The following EXOC2 variants were observed in gnomAD, a reference collection of about 807,000 sequenced individuals.
The protein encoded by EXOC2 is exocyst complex component 2.
Under a neutral mutation model 131.8 loss-of-function variants are expected in EXOC2, and 70 were observed. The ratio of observed to expected loss-of-function variants is 0.53; its 90% confidence interval spans 0.44 to 0.65. EXOC2 has a LOEUF of 0.65. EXOC2 is among the 30% of genes least tolerant of loss of function. EXOC2 has a pLI of 0.00. For missense variants in EXOC2, 923 were observed against 1,108.6 expected, an observed-to-expected ratio of 0.83 and a Z score of 2.38; for synonymous variants, 411 against 398.4, an observed-to-expected ratio of 1.03 and a Z score of -0.38.
intron 22 of EXOC2, among the ~76,000 whole-genome samples, chr6:547,374 G>A (rs1258505743): frequency 4.6e-5 from 7 of 152,238 alleles, no homozygotes; most frequent in Non-Finnish European, 7.3e-5. Context: ...GCTCACACCA[G>A]AGGAGTCTGA....
chr6:515,510 A>C (rs1169175523), intron 23 of EXOC2, among the ~76,000 whole-genome samples: 1 of 152,250 alleles, frequency 6.6e-6, no homozygotes, highest in Non-Finnish European at 1.5e-5. Flanking sequence ...GAGCACAGAC[A>C]GCAGGTTCAG....
intron 5 of EXOC2, among the ~76,000 whole-genome samples, chr6:618,146 T>C (rs929136899): frequency 2.0e-5 from 3 of 152,154 alleles, no homozygotes; most frequent in Non-Finnish European, 4.4e-5. Context: ...ATATATACAA[T>C]TTACCAGATA....
intron 25 of EXOC2, among the ~76,000 whole-genome samples, chr6:494,549 A>C (rs1026368810): frequency 2.0e-5 from 3 of 152,136 alleles, no homozygotes; most frequent in Non-Finnish European, 4.4e-5. Flanking sequence ...GGAAACCCAG[A>C]TCACAATACA....
At chr6:655,882 A>C (rs1346007068) in intron 1 of EXOC2, 2 of 439,614 alleles carry the variant, frequency 4.5e-6, no homozygotes, top group Non-Finnish European at 8.1e-6. Context: ...CTTTGATAGA[A>C]TCTTAAGCAG....
chr6:492,679 G>A (rs1298496603), intron 25 of EXOC2, among the ~76,000 whole-genome samples: 2 of 152,132 alleles, frequency 1.3e-5, no homozygotes, highest in African/African-American at 4.8e-5. Context: ...CCATTTATAC[G>A]AAATTTTCAG....
intron 1 of EXOC2, among the ~76,000 whole-genome samples, chr6:668,431 T>G (rs545270919): frequency 6.6e-6 from 1 of 152,328 alleles, no homozygotes; most frequent in African/African-American, 2.4e-5. Flanking sequence ...TGCACAGCCC[T>G]GTGCTCACTG....
intron 23 of EXOC2, among the ~76,000 whole-genome samples, chr6:505,009 G>A (rs770315721): frequency 4.6e-5 from 7 of 152,134 alleles, no homozygotes; most frequent in African/African-American, 1.7e-4. Flanking sequence ...GAAATGCAAG[G>A]TATTAAGTTT....
Position 597,192 on chromosome 6 carries a change from T to G in EXOC2, c.1073+829A>C, listed in dbSNP as rs546549597. Among the ~76,000 whole-genome samples, 19 of 152,218 alleles carry G rather than the reference T, an allele frequency of 1.2e-4. No homozygotes were observed. In the South Asian group the frequency reaches 3.9e-3, roughly 32 times the overall value. ...TAATATCACTGCAAATTTTTTTTTTTAAGACAGAGTCTCACTCTGTTGCCC... is the reference window on the plus strand; with the variant it reads ...TAATATCACTGCAAATTTTTTTTTTGAAGACAGAGTCTCACTCTGTTGCCC... On this transcript the variant is annotated intron_variant, in intron 10 of 27. Coordinates refer to ENST00000230449, the MANE Select transcript of EXOC2 (RefSeq NM_018303.6).
intron 25 of EXOC2, among the ~76,000 whole-genome samples, chr6:492,837 G>A (rs1243776610): frequency 2.0e-5 from 3 of 152,112 alleles, no homozygotes; most frequent in Non-Finnish European, 4.4e-5. Flanking sequence ...TGACTGGACA[G>A]CTCTTTGAAT....
chr6:491,237 A>G (rs1763415344), intron 25 of EXOC2, 51 bp from the exon 26 acceptor site: 2 of 1,590,162 alleles, frequency 1.3e-6, no homozygotes, highest in Non-Finnish European at 1.7e-6. Context: ...ATATTATCAA[A>G]TATAAACAAG....
intron 1 of EXOC2, among the ~76,000 whole-genome samples, chr6:674,615 C>T (rs1049950120): frequency 3.9e-5 from 6 of 151,966 alleles, no homozygotes; most frequent in Non-Finnish European, 8.8e-5. Flanking sequence ...TGCCTCTTCT[C>T]CTTGGCAATA....
At chr6:597,975 C>A (rs139087752) in intron 10 of EXOC2, 46 bp downstream of exon 10, 1 of 1,425,060 alleles carries the variant, frequency 7.0e-7, no homozygotes, top group African/African-American at 1.4e-5. Flanking sequence ...GCATACAGTA[C>A]CAAACAGATA....
At chr6:584,711 C>T (rs567759192) in intron 11 of EXOC2, among the ~76,000 whole-genome samples, 13 of 152,306 alleles carry the variant, frequency 8.5e-5, no homozygotes, top group East Asian at 3.9e-4. Flanking sequence ...CGGCTATTCT[C>T]GAGAACTTAC....
At chr6:656,742 A>G (rs375917812) in intron 1 of EXOC2, 4 of 1,590,584 alleles carry the variant, frequency 2.5e-6, no homozygotes, top group Non-Finnish European at 3.4e-6. Context: ...GACACCTTCC[A>G]TGCGAAACTG....
At chr6:667,976 A>G (rs908564075) in intron 1 of EXOC2, among the ~76,000 whole-genome samples, 1 of 151,868 alleles carries the variant, frequency 6.6e-6, no homozygotes, top group Non-Finnish European at 1.5e-5. Flanking sequence ...TTTTTCTTTC[A>G]GCACTTTATT....
intron 1 of EXOC2, among the ~76,000 whole-genome samples, chr6:683,499 C>T (rs945236368): frequency 6.6e-6 from 1 of 152,190 alleles, no homozygotes; most frequent in Non-Finnish European, 1.5e-5. Context: ...ACCAATATCA[C>T]CGCTGACAAA....
At chr6:492,256 A>G (rs1373043750) in intron 25 of EXOC2, among the ~76,000 whole-genome samples, 1 of 152,228 alleles carries the variant, frequency 6.6e-6, no homozygotes, top group Non-Finnish European at 1.5e-5. Context: ...TCAATAAGAG[A>G]CAATAACAAA....
rs1757889217 is a variant in EXOC2, at chr6:564,862, A to C, written c.1509+2T>G. Reference sequence around the variant, plus strand: ...GTCTACATACTTATCACCCTTACTCACCTTAAAATCATTTTGTCTTTGCCT... The same window carrying C: ...GTCTACATACTTATCACCCTTACTCCCCTTAAAATCATTTTGTCTTTGCCT... On this transcript the variant is annotated splice_donor_variant, in intron 14 of 27. Transcript: ENST00000230449. LOFTEE classifies it high-confidence loss of function. 6.2e-7 allele frequency: 1 copy of C among 1,612,354 alleles called. No homozygotes were observed. Among genetic ancestry groups the C allele is most frequent in the African/African-American group, 1.3e-5 (1 of 74,954 alleles).
intron 1 of EXOC2, among the ~76,000 whole-genome samples, chr6:639,701 C>G (rs975297163): frequency 6.6e-6 from 1 of 152,220 alleles, no homozygotes; most frequent in Admixed American, 6.5e-5. Context: ...AAACTGCCCA[C>G]ACACAAACTC....
Sources: gnomAD v4.1 joint callset for allele counts (sites outside exome capture counted in the v4.1 genomes callset) on GRCh38, gnomAD v4.1.1 for gene constraint, MANE v1.5 for transcripts, NCBI Gene and HGNC (gene_info 2026-07-23, HGNC 2026-07-21) for gene names.